The following SCHIP1 variants were observed in gnomAD, a reference collection of about 807,000 sequenced individuals.
The protein encoded by SCHIP1 is schwannomin-interacting protein 1.
In SCHIP1, 8 loss-of-function variants were observed where a neutral mutation model predicts 29.7. The observed-to-expected ratio is 0.27, with a 90% CI of 0.16 to 0.49. The LOEUF is 0.49. Ranked by LOEUF, SCHIP1 falls within the 20% of genes least tolerant of loss-of-function variation. The pLI is 0.99. For synonymous variants in SCHIP1, 76 were observed against 94.9 expected, an observed-to-expected ratio of 0.80 and a Z score of 1.16; for missense variants, 193 against 294.6, an observed-to-expected ratio of 0.66 and a Z score of 2.52.
the SCHIP1 span, among the ~76,000 whole-genome samples, chr3:159,834,816 A>G: frequency 1.8e-4 from 27 of 152,220 alleles, no homozygotes; most frequent in Admixed American, 1.7e-3. Context: ...GGTGATGTGT[A>G]TAAAGTGCAT....
At chr3:159,778,138 C>T in the SCHIP1 span, among the ~76,000 whole-genome samples, 27 of 152,184 alleles carry the variant, frequency 1.8e-4, no homozygotes, top group South Asian at 2.7e-3. Flanking sequence ...CCCGCCAGCG[C>T]GCCTGCCAGC....
the SCHIP1 span, among the ~76,000 whole-genome samples, chr3:159,818,997 G>A: frequency 6.6e-6 from 1 of 152,204 alleles, no homozygotes; most frequent in East Asian, 1.9e-4. Context: ...GAGCTGCTTA[G>A]CTGGTGTTTG....
chr3:159,352,048 G>GT, the SCHIP1 span, among the ~76,000 whole-genome samples: 3 of 152,148 alleles, frequency 2.0e-5, no homozygotes, highest in Admixed American at 6.5e-5. Context: ...AATAAAAGGT[G>GT]TTTTTTTGTA....
the SCHIP1 span, among the ~76,000 whole-genome samples, chr3:159,727,336 C>T: frequency 6.6e-6 from 1 of 152,132 alleles, no homozygotes; most frequent in Non-Finnish European, 1.5e-5. Flanking sequence ...TATTTATTTA[C>T]TGGTCTGCCT....
At chr3:159,826,994 A>G in the SCHIP1 span, among the ~76,000 whole-genome samples, 630 of 152,296 alleles carry the variant, frequency 4.1e-3, 7 homozygotes, top group African/African-American at 0.015. Context: ...TAATTTCCTG[A>G]TCAGTACCTT....
chr3:159,294,887 A>G, the SCHIP1 span, among the ~76,000 whole-genome samples: 5 of 152,138 alleles, frequency 3.3e-5, no homozygotes, highest in African/African-American at 7.2e-5. Context: ...TGACTGGCTC[A>G]TAAGAATTAG....
chr3:159,614,517 G>A, the SCHIP1 span, among the ~76,000 whole-genome samples: 26 of 152,014 alleles, frequency 1.7e-4, no homozygotes, highest in Non-Finnish European at 3.5e-4. Flanking sequence ...ACCTAACCAC[G>A]GTGCTGTTAT....
At chr3:159,540,603 A>G in the SCHIP1 span, among the ~76,000 whole-genome samples, 1 of 152,108 alleles carries the variant, frequency 6.6e-6, no homozygotes, top group African/African-American at 2.4e-5. Context: ...GGCCTCACCT[A>G]TATCGCCTAT....
the SCHIP1 span, among the ~76,000 whole-genome samples, chr3:159,522,212 G>T: frequency 1.1e-4 from 16 of 152,310 alleles, no homozygotes; most frequent in African/African-American, 3.8e-4. Context: ...AGATGGCAAA[G>T]CCCTCAGGAG....
At chr3:159,455,520 G>A in the SCHIP1 span, among the ~76,000 whole-genome samples, 1 of 152,228 alleles carries the variant, frequency 6.6e-6, no homozygotes, top group South Asian at 2.1e-4. Context: ...CACAAAATAA[G>A]TTGAAACAAC....
the SCHIP1 span, among the ~76,000 whole-genome samples, chr3:159,317,144 T>G: frequency 6.6e-6 from 1 of 152,234 alleles, no homozygotes; most frequent in African/African-American, 2.4e-5. Context: ...GACGCCCTAA[T>G]GGATCTCCTG....
chr3:159,641,906 T>A, the SCHIP1 span, among the ~76,000 whole-genome samples: 1 of 152,178 alleles, frequency 6.6e-6, no homozygotes, highest in South Asian at 2.1e-4. Flanking sequence ...ATACATTAGA[T>A]GATTTTCATC....
chr3:159,782,979 G>A, the SCHIP1 span, among the ~76,000 whole-genome samples: 1,398 of 152,276 alleles, frequency 9.2e-3, 18 homozygotes, highest in African/African-American at 0.032. Flanking sequence ...GACTGTCACC[G>A]AAGGACCAGG....
At chr3:159,547,771 A>G in the SCHIP1 span, among the ~76,000 whole-genome samples, 1 of 151,954 alleles carries the variant, frequency 6.6e-6, no homozygotes, top group African/African-American at 2.4e-5. Context: ...TGGTCTATAT[A>G]TCTGTTTTGG....
At chr3:159,415,954 G>T in the SCHIP1 span, among the ~76,000 whole-genome samples, 25 of 152,204 alleles carry the variant, frequency 1.6e-4, no homozygotes, top group East Asian at 4.6e-3. Flanking sequence ...CTTTTGTTTT[G>T]CTTTGCTTTA....
chr3:159,550,955 AATTT>A, the SCHIP1 span, among the ~76,000 whole-genome samples: 1 of 152,154 alleles, frequency 6.6e-6, no homozygotes, highest in African/African-American at 2.4e-5. Flanking sequence ...TTATTTCATA[AATTT>A]ATTCTCAATG....
At chr3:159,298,410 G>C in the SCHIP1 span, among the ~76,000 whole-genome samples, 1 of 152,134 alleles carries the variant, frequency 6.6e-6, no homozygotes, top group African/African-American at 2.4e-5. Flanking sequence ...AATCATACGT[G>C]TCACCTACAG....
chr3:159,318,458 G>A, the SCHIP1 span, among the ~76,000 whole-genome samples: 11 of 152,312 alleles, frequency 7.2e-5, no homozygotes, highest in Admixed American at 3.9e-4. Context: ...ACTGCTCAAA[G>A]CTCTGCCCAC....
chr3:159,832,324 C>T, the SCHIP1 span, among the ~76,000 whole-genome samples: 16 of 152,190 alleles, frequency 1.1e-4, no homozygotes, highest in African/African-American at 3.9e-4. Flanking sequence ...GCCAGACACT[C>T]CTGACCCAGT....
Sources: allele counts gnomAD v4.1 joint callset (sites outside exome capture counted in the v4.1 genomes callset), GRCh38; gene constraint gnomAD v4.1.1; transcripts MANE v1.5; gene names NCBI Gene and HGNC (gene_info 2026-07-23, HGNC 2026-07-21).